Variants in RBBP5 observed in about 807,000 individuals in gnomAD.
RBBP5 encodes the protein retinoblastoma-binding protein 5.
RBBP5 carries 5 observed loss-of-function variants against 72.2 expected under a neutral mutation model. The observed-to-expected ratio is 0.07, with a 90% CI of 0.04 to 0.15. RBBP5 has a LOEUF of 0.15. Among genes scored for constraint, RBBP5 ranks in the 10% least tolerant of loss-of-function variants. RBBP5 has a pLI of 1.00. For missense variants in RBBP5, 322 were observed against 652.2 expected, an observed-to-expected ratio of 0.49 and a Z score of 5.51; for synonymous variants, 209 against 237.2, an observed-to-expected ratio of 0.88 and a Z score of 1.09.
intron 10 of RBBP5, among the ~76,000 whole-genome samples, chr1:205,098,481 C>T (rs1024268438): frequency 4.6e-5 from 7 of 152,054 alleles, no homozygotes; most frequent in African/African-American, 1.7e-4. Flanking sequence ...TTAGTAAACA[C>T]CTTATAAATT....
intron 13 of RBBP5, among the ~76,000 whole-genome samples, chr1:205,093,517 TATATATATATATATATACACACAC>T (rs1574686909): frequency 1.8e-4 from 3 of 16,568 alleles, no homozygotes; most frequent in East Asian, 1.3e-3. Context: ...TATATATATA[TATATATATATATATATACACACAC>T]ACACACACAC....
At chr1:205,107,360 T>G (rs1656113826) in intron 3 of RBBP5, among the ~76,000 whole-genome samples, 1 of 151,606 alleles carries the variant, frequency 6.6e-6, no homozygotes, top group Non-Finnish European at 1.5e-5. Context: ...GAAAAAATCT[T>G]GAAAGCTGCA....
chr1:205,096,776 T>C lies in RBBP5; in HGVS notation c.1302A>G (p.Ser434=). 1 of 1,614,190 alleles carries C rather than the reference T, an allele frequency of 6.2e-7. No homozygotes were observed. Among genetic ancestry groups the C allele is most frequent in the Non-Finnish European group, 8.5e-7 (1 of 1,180,042 alleles). ...CTGCTGAGGACTGCCTCTTCTTCTC[T>C]GAACTAGCCCCTTCATCCATCAAGG... The part of the protein sequence containing the change: ...QTSLMDEGAS[S]EKKRQSSADG... The change falls in exon 12 of 14, where the codon TCA becomes TCG. Residue 434 remains serine, a synonymous_variant. Transcript: ENST00000264515.
intron 10 of RBBP5, among the ~76,000 whole-genome samples, chr1:205,098,399 G>A (rs77095624): frequency 0.012 from 1,859 of 152,270 alleles, 41 homozygotes; most frequent in African/African-American, 0.043. Context: ...TTAGTCATCT[G>A]CAATTAATCA....
At chr1:205,098,633 C>T (rs993170969) in intron 10 of RBBP5, among the ~76,000 whole-genome samples, 1 of 152,026 alleles carries the variant, frequency 6.6e-6, no homozygotes, top group Non-Finnish European at 1.5e-5. Flanking sequence ...CACCTGAGGT[C>T]AGGAGTTCCA....
chr1:205,095,407 A>G (rs1655572739), intron 12 of RBBP5, among the ~76,000 whole-genome samples: 1 of 152,148 alleles, frequency 6.6e-6, no homozygotes, highest in African/African-American at 2.4e-5. Context: ...ATCAGCTATC[A>G]TTACTGTTAG....
rs199817889 is a variant in RBBP5, at chr1:205,092,612, G to A, written c.1588+2261C>T. Among the ~76,000 whole-genome samples, 13 of 150,202 alleles carry A rather than the reference G, an allele frequency of 8.7e-5. No homozygotes were observed. In the East Asian group the frequency reaches 2.6e-3, roughly 30 times the overall value. ...CCACAGATGTGCACCACCACGCCTG[G>A]CTAATTTTTTGATTATTTTGTTTCC... On this transcript the variant is annotated intron_variant, in intron 13 of 13. Transcript: ENST00000264515.
rs1268104724 is a variant in RBBP5, at chr1:205,088,222, T to C, written c.*565A>G. The stretch of plus-strand genomic sequence containing the variant: ...GGAAGAGAGGGCCTTCGTTGTTCCC[T>C]TTCTGAAAATTTGAAATCTTTCAAG... On this transcript the variant is annotated 3_prime_UTR_variant, in exon 14 of 14. Coordinates refer to ENST00000264515, the MANE Select transcript of RBBP5 (RefSeq NM_005057.4). The C allele has an allele frequency of 6.6e-6, 1 of 152,376 alleles. No homozygotes were observed. Among genetic ancestry groups the C allele is most frequent in the African/African-American group, 2.4e-5 (1 of 41,464 alleles). 9.4% of individuals were successfully genotyped at this position (152,376 alleles called of 1,614,324 possible).
rs1236825074 is a variant in RBBP5, at chr1:205,114,669, GT to G, written c.218+119del. The G allele has an allele frequency of 8.6e-5, 84 of 976,254 alleles. 2 individuals are homozygous for G. In the African/African-American group the frequency reaches 1.2e-3, roughly 14 times the overall value. The allele number at this position is 976,254 out of a possible 1,614,324, so 60.5% of individuals were successfully genotyped here. A position where few individuals can be genotyped will look rare whatever the true frequency, so the allele number is the denominator to read the frequency against. On this transcript the variant is annotated intron_variant, in intron 3 of 13. Coordinates refer to ENST00000264515, the MANE Select transcript of RBBP5 (RefSeq NM_005057.4). ...GGATCTACATAAACCATGATAAACTGTATTACTAATGGCTGAATATTTAAAA... is the reference window on the plus strand; with the variant it reads ...GGATCTACATAAACCATGATAAACTGATTACTAATGGCTGAATATTTAAAA...
At chr1:205,090,412 A>G (rs980377390) in intron 13 of RBBP5, among the ~76,000 whole-genome samples, 1 of 152,238 alleles carries the variant, frequency 6.6e-6, no homozygotes, top group Non-Finnish European at 1.5e-5. Flanking sequence ...ACTGGAGGGC[A>G]GCTCATGTTT....
intron 3 of RBBP5, among the ~76,000 whole-genome samples, chr1:205,113,023 GATC>G (rs1359477354): frequency 6.6e-6 from 1 of 152,010 alleles, no homozygotes; most frequent in East Asian, 1.9e-4. Flanking sequence ...TACGCGGGAG[GATC>G]ACTTGAGCCT....
At chr1:205,109,099 ACT>A (rs1656199230) in intron 3 of RBBP5, among the ~76,000 whole-genome samples, 1 of 152,076 alleles carries the variant, frequency 6.6e-6, no homozygotes, top group African/African-American at 2.4e-5. Flanking sequence ...ACACAAAAGG[ACT>A]CTGTGTGTCT....
chr1:205,100,848 C>T (rs1033177709), intron 6 of RBBP5, among the ~76,000 whole-genome samples: 1 of 152,124 alleles, frequency 6.6e-6, no homozygotes, highest in Non-Finnish European at 1.5e-5. Context: ...TTTCCACGGC[C>T]CAGGCTGGTG....
At chr1:205,106,508 G>GA (rs1384161431) in intron 3 of RBBP5, among the ~76,000 whole-genome samples, 2 of 152,140 alleles carry the variant, frequency 1.3e-5, no homozygotes. Flanking sequence ...TGAGGCAGGA[G>GA]AATCGCTTGA....
intron 6 of RBBP5, among the ~76,000 whole-genome samples, chr1:205,101,118 G>A (rs1655804061): frequency 6.6e-6 from 1 of 152,188 alleles, no homozygotes; most frequent in Non-Finnish European, 1.5e-5. Flanking sequence ...TCTAAGTCAT[G>A]TATGGGTGTT....
chr1:205,093,998 T>C (rs1655517973), intron 13 of RBBP5, among the ~76,000 whole-genome samples: 1 of 152,104 alleles, frequency 6.6e-6, no homozygotes, highest in Non-Finnish European at 1.5e-5. Context: ...TGCTTCTATA[T>C]AAAGCAAAAA....
intron 10 of RBBP5, 79 bp from the exon 11 acceptor site, chr1:205,097,474 G>T: frequency 7.4e-7 from 1 of 1,344,246 alleles, no homozygotes; most frequent in Non-Finnish European, 1.0e-6. Flanking sequence ...GTTTTCATAA[G>T]TTGAAATTCC....
chr1:205,087,900 G>C lies in RBBP5; in HGVS notation c.*887C>G, dbSNP rs149035298. ...CTTGATCTTTGATTTGAACTATGTG[G>C]TTGCTGCTTTGATTCTGGATGGTTT... On this transcript the variant is annotated 3_prime_UTR_variant, in exon 14 of 14. Coordinates refer to ENST00000264515, the MANE Select transcript of RBBP5 (RefSeq NM_005057.4). 6.5e-6 allele frequency: 1 copy of C among 152,730 alleles called. No individual in the cohort carries two copies. The highest frequency in any genetic ancestry group is 2.4e-5 in the African/African-American group (1 of 41,572). 9.5% of individuals were successfully genotyped at this position (152,730 alleles called of 1,614,324 possible).
chr1:205,093,471 AAAAAAAAAATATATATATATAT>A (rs1558570109), intron 13 of RBBP5, among the ~76,000 whole-genome samples: 8 of 12,322 alleles, frequency 6.5e-4, no homozygotes, highest in Non-Finnish European at 1.2e-3. Flanking sequence ...AAAAAAAAAA[AAAAAAAAAATATATATATATAT>A]ATATATATAT....
Sources: gnomAD v4.1 joint callset for allele counts (sites outside exome capture counted in the v4.1 genomes callset) on GRCh38, gnomAD v4.1.1 for gene constraint, MANE v1.5 for transcripts, NCBI Gene and HGNC (gene_info 2026-07-23, HGNC 2026-07-21) for gene names.